The following XYLT2 variants were observed in gnomAD, a reference collection of about 807,000 sequenced individuals.
XYLT2 encodes the protein UDP-D-xylose:proteoglycan core protein beta-D-xylosyltransferase.
A neutral mutation model predicts 82.6 loss-of-function variants in XYLT2; 37 were observed. The ratio of observed to expected loss-of-function variants is 0.45; its 90% CI spans 0.34 to 0.59. The LOEUF (loss-of-function observed/expected upper bound fraction) is 0.59. XYLT2 is among the 20% of genes least tolerant of loss of function. The pLI is 0.01. For missense variants in XYLT2, 934 were observed against 1,181.3 expected (o/e 0.79, Z 3.07); for synonymous variants, 474 against 499.0 (o/e 0.95, Z 0.67).
chr17:50,354,465 G>C lies in XYLT2; in HGVS notation c.686G>C (p.Gly229Ala). Residue 229 changes from glycine (G) to alanine (A), a missense_variant, in exon 3 of 11, where the codon GGC becomes GCC. Around this residue, in one of 3 missense-constraint regions of XYLT2, gnomAD observed 371 missense variants for 394.9 expected, o/e 0.94. Coordinates refer to ENST00000017003, the MANE Select transcript of XYLT2 (RefSeq NM_022167.4). ...AGCCAAGCCCAGCAGCCCATGGATG[G>C]CCCCCCGGTGCGAATCGCCTACATG... ...DESQAQQPMD[G>A]PPVRIAYMLV... is the part of the protein sequence containing the mutation. 11 of 1,612,154 alleles carry C rather than the reference G, an allele frequency of 6.8e-6. No homozygotes were observed. The highest frequency in any genetic ancestry group is 7.6e-6 in the Non-Finnish European group (9 of 1,179,840).
At position 50,360,571 on chromosome 17, in the gene XYLT2, CTTTTTT is replaced by C. The variant is rs386386236; in HGVS notation, c.*294_*299del. ...TGTCTAGTTTGAATTTCTTTTTTTTCTTTTTTTTTTTTTTTTTTTAATTTAAAAAGG... is the reference window on the plus strand; with the variant it reads ...TGTCTAGTTTGAATTTCTTTTTTTTCTTTTTTTTTTTTTAATTTAAAAAGG... On this transcript the variant is annotated 3_prime_UTR_variant, in exon 11 of 11. Transcript: ENST00000017003. 3.0e-5 allele frequency: 29 copies of C among 979,876 alleles called. No homozygotes were observed. Among genetic ancestry groups the C allele is most frequent in the Middle Eastern group, 4.8e-4 (1 of 2,072 alleles). The allele number at this position is 979,876 out of a possible 1,614,324, so 60.7% of individuals were successfully genotyped here.
In XYLT2 at chr17:50,360,548, T is replaced by C; in HGVS notation, c.*257T>C. On this transcript the variant is annotated 3_prime_UTR_variant, in exon 11 of 11. Coordinates refer to ENST00000017003, the MANE Select transcript of XYLT2 (RefSeq NM_022167.4). The stretch of plus-strand genomic sequence containing the variant: ...CACCCAGCTCTTCCTCACCTTCCTG[T>C]CTAGTTTGAATTTCTTTTTTTTCTT... 8.1e-7 allele frequency: 1 copy of C among 1,233,914 alleles called. No individual in the cohort carries two copies. The highest frequency in any genetic ancestry group is 1.0e-6 in the Non-Finnish European group (1 of 990,034). 76.4% of individuals were successfully genotyped at this position (1,233,914 alleles called of 1,614,324 possible).
Position 50,359,779 on chromosome 17 carries a change from T to C in XYLT2, c.2276-190T>C, listed in dbSNP as rs1473983441. ...CTAAAGTTGGGAATCTAAGGCTTAC[T>C]GCCTTGATTTTATAAAACTCAGTTT... On this transcript the variant is annotated intron_variant, in intron 10 of 10. Transcript: ENST00000017003. 4 of 598,726 alleles carry C rather than the reference T, an allele frequency of 6.7e-6. No individual in the cohort carries two copies. In the African/African-American group the frequency reaches 7.4e-5, roughly 11 times the overall value. 37.1% of individuals were successfully genotyped at this position (598,726 alleles called of 1,614,324 possible). A position where few individuals can be genotyped will look rare whatever the true frequency, so the allele number is the denominator to read the frequency against.
chr17:50,360,195 C>A lies in XYLT2; in HGVS notation c.2502C>A (p.Pro834=). ...GTGCCATAGGCCCCTCTCCCTGCCC[C>A]TCCCTGGAGCCCTGCAGACTGACCA... ...GLCAIGPSPC[P]SLEPCRLTSW... is the part of the protein sequence containing the mutation. The change falls in exon 11 of 11, where the codon CCC becomes CCA. Residue 834 remains proline, a synonymous_variant. Transcript: ENST00000017003. 1 of 1,614,118 alleles carries A rather than the reference C, an allele frequency of 6.2e-7. No homozygotes were observed. The highest frequency in any genetic ancestry group is 8.5e-7 in the Non-Finnish European group (1 of 1,179,980).
Position 50,353,621 on chromosome 17 carries a change from C to G in XYLT2, c.136-9C>G, listed in dbSNP as rs1912359526. Reference sequence around the variant, plus strand: ...CTGCCCCAGTGATGTGTCTGCATCTCTCTTACAGAAAGGAAGGCAGAGGAA... The same window carrying G: ...CTGCCCCAGTGATGTGTCTGCATCTGTCTTACAGAAAGGAAGGCAGAGGAA... On this transcript the variant is annotated splice_polypyrimidine_tract_variant and intron_variant, in intron 1 of 10. Coordinates refer to ENST00000017003, the MANE Select transcript of XYLT2 (RefSeq NM_022167.4). 1 of 1,559,304 alleles carries G rather than the reference C, an allele frequency of 6.4e-7. No individual in the cohort carries two copies.
In XYLT2 at chr17:50,360,495, A is replaced by G; in HGVS notation, c.*204A>G. The G allele has an allele frequency of 1.5e-6, 2 of 1,293,158 alleles. No homozygotes were observed. The highest frequency in any genetic ancestry group is 2.0e-6 in the Non-Finnish European group (2 of 1,023,508). The allele number at this position is 1,293,158 out of a possible 1,614,324, so 80.1% of individuals were successfully genotyped here. ...GTTGGGGATCAGAGGGCTGGCGGGA[A>G]CGCGAGAAGGGCACCAGCAGCATTC... On this transcript the variant is annotated 3_prime_UTR_variant, in exon 11 of 11. Coordinates refer to ENST00000017003, the MANE Select transcript of XYLT2 (RefSeq NM_022167.4).
chr17:50,360,501 G>A lies in XYLT2; in HGVS notation c.*210G>A. The A allele has an allele frequency of 1.6e-6, 2 of 1,288,254 alleles. No individual in the cohort carries two copies. The allele number at this position is 1,288,254 out of a possible 1,614,324, so 79.8% of individuals were successfully genotyped here. A position where few individuals can be genotyped will look rare whatever the true frequency, so the allele number is the denominator to read the frequency against. ...GATCAGAGGGCTGGCGGGAACGCGA[G>A]AAGGGCACCAGCAGCATTCCACACC... On this transcript the variant is annotated 3_prime_UTR_variant, in exon 11 of 11. Coordinates refer to ENST00000017003, the MANE Select transcript of XYLT2 (RefSeq NM_022167.4).
chr17:50,353,023 G>A (rs185192577), intron 1 of XYLT2, among the ~76,000 whole-genome samples: 435 of 152,292 alleles, frequency 2.9e-3, no homozygotes, highest in East Asian at 4.8e-3. Context: ...AGGGGTACCC[G>A]CAGTGAATCT....
Position 50,360,876 on chromosome 17 carries a change from C to T in XYLT2, c.*585C>T. 1.0e-6 allele frequency: 1 copy of T among 985,894 alleles called. No homozygotes were observed. Among genetic ancestry groups the T allele is most frequent in the Non-Finnish European group, 1.2e-6 (1 of 829,972 alleles). 61.1% of individuals were successfully genotyped at this position (985,894 alleles called of 1,614,324 possible). A position where few individuals can be genotyped will look rare whatever the true frequency, so the allele number is the denominator to read the frequency against. On this transcript the variant is annotated 3_prime_UTR_variant, in exon 11 of 11. Transcript: ENST00000017003. ...ATCGGGGGCGCTGCAGAGCTGGGCTCTAGCAGGACAGTTCTTTTGTAGCCA... is the reference window on the plus strand; with the variant it reads ...ATCGGGGGCGCTGCAGAGCTGGGCTTTAGCAGGACAGTTCTTTTGTAGCCA...
At chr17:50,354,148 T>C (rs751789018) in intron 2 of XYLT2, 26 bp downstream of exon 2, 1 of 1,599,368 alleles carries the variant, frequency 6.3e-7, no homozygotes, top group Admixed American at 1.7e-5. Flanking sequence ...GCTCCAGCCC[T>C]TCCCAGGCGG....
rs372347325 is a variant in XYLT2, at chr17:50,356,272, G to A, written c.1482+11G>A. 59 of 1,611,466 alleles carry A rather than the reference G, an allele frequency of 3.7e-5. No homozygotes were observed. The highest frequency in any genetic ancestry group is 1.5e-4 in the African/African-American group (11 of 74,886). On this transcript the variant is annotated intron_variant, in intron 7 of 10. Transcript: ENST00000017003. ...TTCCTCCGGCTGCAGGTGCTTGCCCGAGGCCCCAAGGCCCCTGGCTAGGTC... is the reference window on the plus strand; with the variant it reads ...TTCCTCCGGCTGCAGGTGCTTGCCCAAGGCCCCAAGGCCCCTGGCTAGGTC...
Position 50,357,317 on chromosome 17 carries a change from G to A in XYLT2, c.1941+65G>A, listed in dbSNP as rs573388833. ...CCAGACTTGGGGTAGTGGGAAGAGA[G>A]GGACAGACACCAAGGGAGGGGTAAG... On this transcript the variant is annotated intron_variant, in intron 9 of 10. Transcript: ENST00000017003. 1.3e-4 allele frequency: 183 copies of A among 1,445,754 alleles called. No individual in the cohort carries two copies. The African/African-American group carries it at 2.4e-3, about 19-fold the overall frequency. 89.6% of individuals were successfully genotyped at this position (1,445,754 alleles called of 1,614,324 possible). A position where few individuals can be genotyped will look rare whatever the true frequency, so the allele number is the denominator to read the frequency against.
At position 50,354,857 on chromosome 17, in the gene XYLT2, T is replaced by A; in HGVS notation, c.808T>A (p.Ser270Thr). ...CTGAGTGTCTCCTCCCCACCAGCGT[T>A]CCGACTACCTGCACCGGGAGGTGGT... Reference protein sequence around the residue: ...HFFYIHVDKRSDYLHREVVEL... With the variant: ...HFFYIHVDKRTDYLHREVVEL... The change falls in exon 4 of 11, where the codon TCC (serine) becomes ACC (threonine). Residue 270 changes from serine (S) to threonine (T), a missense_variant. Physicochemically the swap from Ser to Thr is moderately conservative, Grantham distance 58 (BLOSUM62 1). This residue lies in a region of XYLT2 where 371 missense variants were observed against 394.9 expected (regional missense o/e 0.94). Coordinates refer to ENST00000017003, the MANE Select transcript of XYLT2 (RefSeq NM_022167.4). 1.2e-6 allele frequency: 2 copies of A among 1,613,414 alleles called. No homozygotes were observed. Among genetic ancestry groups the A allele is most frequent in the Non-Finnish European group, 1.7e-6 (2 of 1,179,874 alleles).
chr17:50,360,293 A>G lies in XYLT2; in HGVS notation c.*2A>G, dbSNP rs759008578. 1.9e-6 allele frequency: 3 copies of G among 1,579,456 alleles called. No homozygotes were observed. The highest frequency in any genetic ancestry group is 1.2e-5 in the South Asian group (1 of 86,714). ...AAAGCAGACGGGCGACTCAGGTAGCAGGGCCCCAGCCAGTACCCGTGGAGG... is the reference window on the plus strand; with the variant it reads ...AAAGCAGACGGGCGACTCAGGTAGCGGGGCCCCAGCCAGTACCCGTGGAGG... On this transcript the variant is annotated 3_prime_UTR_variant, in exon 11 of 11. Coordinates refer to ENST00000017003, the MANE Select transcript of XYLT2 (RefSeq NM_022167.4).
intron 9 of XYLT2, 32 bp from the exon 10 acceptor site, chr17:50,358,175 A>G (rs773378869): frequency 2.0e-6 from 3 of 1,535,968 alleles, no homozygotes; most frequent in Non-Finnish European, 2.6e-6. Flanking sequence ...CCTTTCCCCC[A>G]CACTCCTGCC....
At chr17:50,357,480 C>T (rs1193139224) in intron 9 of XYLT2, 1 of 501,138 alleles carries the variant, frequency 2.0e-6, no homozygotes, top group Non-Finnish European at 3.5e-6. Context: ...AGGGAATTAT[C>T]AGTTCCACTA....
At chr17:50,347,013 A>C (rs1348883618) in intron 1 of XYLT2, 1 of 867,486 alleles carries the variant, frequency 1.2e-6, no homozygotes, top group Non-Finnish European at 1.4e-6. Context: ...ACAGAGCCCC[A>C]GCCGCAGAGC....
chr17:50,354,635 G>C, intron 3 of XYLT2, 52 bp downstream of exon 3: 1 of 1,565,652 alleles, frequency 6.4e-7, no homozygotes, highest in Non-Finnish European at 8.6e-7. Context: ...AGCAGAAACA[G>C]AAGGTTGCAG....
chr17:50,354,373 G>A (rs1270763747), intron 2 of XYLT2, 35 bp from the exon 3 acceptor site: 1 of 1,574,256 alleles, frequency 6.4e-7, no homozygotes, highest in Admixed American at 1.8e-5. Flanking sequence ...TGTGACCTAG[G>A]GTGGGCCTCG....
Sources: allele counts gnomAD v4.1 joint callset (sites outside exome capture counted in the v4.1 genomes callset), GRCh38; gene constraint gnomAD v4.1.1; regional missense constraint gnomAD v4.1.1; transcripts MANE v1.5; gene names NCBI Gene and HGNC (gene_info 2026-07-23, HGNC 2026-07-21).